Variants in CDH9 observed in about 807,000 individuals in gnomAD.
The protein encoded by CDH9 is cadherin 9, also known as cadherin-9.
CDH9 carries 28 observed loss-of-function variants against 70.9 expected under a neutral mutation model. The ratio of observed to expected loss-of-function variants is 0.40; its 90% confidence interval spans 0.29 to 0.54. The LOEUF is 0.54. CDH9 is among the 20% of genes least tolerant of loss of function. The pLI, the probability that CDH9 is intolerant of heterozygous loss-of-function variation, is 0.59. For synonymous variants in CDH9, 409 were observed against 343.1 expected (o/e 1.19, Z -2.12); for missense variants, 874 against 984.4 (o/e 0.89, Z 1.50).
At position 26,913,757 on chromosome 5, in the gene CDH9, TTGTGTGTG is replaced by T. The variant is rs5866811; in HGVS notation, c.523+1865_523+1872del. Among the ~76,000 whole-genome samples, 121 of 145,536 alleles carry T rather than the reference TTGTGTGTG, an allele frequency of 8.3e-4. 1 individual carries two copies. Among genetic ancestry groups the T allele is most frequent in the South Asian group, 3.3e-3 (15 of 4,516 alleles). On this transcript the variant is annotated intron_variant, in intron 3 of 11. Coordinates refer to ENST00000231021, the MANE Select transcript of CDH9 (RefSeq NM_016279.4). The stretch of plus-strand genomic sequence containing the variant: ...GATTCTAAAATATATACATATATGT[TTGTGTGTG>T]TGTGTGTGTGTGTGTGTGTGTGTGT...
intron 2 of CDH9, among the ~76,000 whole-genome samples, chr5:26,937,382 A>T (rs1458252958): frequency 1.3e-5 from 2 of 152,142 alleles, no homozygotes; most frequent in Non-Finnish European, 2.9e-5. Context: ...GCCAGTAAGG[A>T]TTTGGAGCAA....
Position 26,881,124 on chromosome 5 carries a change from C to T in CDH9, c.*12G>A, listed in dbSNP as rs1422610567. 6.3e-7 allele frequency: 1 copy of T among 1,582,700 alleles called. No individual in the cohort carries two copies. Among genetic ancestry groups the T allele is most frequent in the African/African-American group, 1.4e-5 (1 of 73,834 alleles). ...GTACTTCCACTAATATTGATTAAGT[C>T]AAACAATCCTCTTAGTCTCGGTCAC... On this transcript the variant is annotated 3_prime_UTR_variant, in exon 12 of 12. Coordinates refer to ENST00000231021, the MANE Select transcript of CDH9 (RefSeq NM_016279.4).
intron 2 of CDH9, among the ~76,000 whole-genome samples, chr5:26,970,682 T>A (rs1294299457): frequency 6.6e-6 from 1 of 152,084 alleles, no homozygotes. Context: ...GCAATTGTAA[T>A]CAGAACCTTC....
At chr5:27,012,883 C>T (rs1742982800) in intron 1 of CDH9, among the ~76,000 whole-genome samples, 1 of 151,776 alleles carries the variant, frequency 6.6e-6, no homozygotes, top group African/African-American at 2.4e-5. Context: ...GCTGGAAAGC[C>T]CATCTGAAAA....
At chr5:26,892,952 C>G (rs1740686223) in intron 7 of CDH9, among the ~76,000 whole-genome samples, 1 of 152,056 alleles carries the variant, frequency 6.6e-6, no homozygotes, top group Non-Finnish European at 1.5e-5. Context: ...CCAGGATGGT[C>G]TCGATCTCAT....
At chr5:26,917,464 G>C (rs1463648367) in intron 2 of CDH9, among the ~76,000 whole-genome samples, 2 of 151,840 alleles carry the variant, frequency 1.3e-5, no homozygotes, top group Non-Finnish European at 2.9e-5. Flanking sequence ...CTGTTATGTT[G>C]ACTTACATCA....
At chr5:27,009,668 A>G (rs1397557396) in intron 1 of CDH9, among the ~76,000 whole-genome samples, 1 of 152,166 alleles carries the variant, frequency 6.6e-6, no homozygotes, top group African/African-American at 2.4e-5. Context: ...CTCATTGGCT[A>G]TGGAAATTGA....
chr5:26,907,524 C>T (rs1316235178), intron 3 of CDH9, among the ~76,000 whole-genome samples: 1 of 152,054 alleles, frequency 6.6e-6, no homozygotes, highest in Non-Finnish European at 1.5e-5. Flanking sequence ...GTGTGTAATT[C>T]TGTGTCACAT....
chr5:26,954,488 C>G (rs1022818499), intron 2 of CDH9, among the ~76,000 whole-genome samples: 10 of 147,450 alleles, frequency 6.8e-5, no homozygotes, highest in African/African-American at 2.5e-4. Context: ...GGGTTCACGC[C>G]ATTCGCCTGC....
chr5:27,013,959 A>G (rs1456889101), intron 1 of CDH9, among the ~76,000 whole-genome samples: 1 of 152,016 alleles, frequency 6.6e-6, no homozygotes, highest in Non-Finnish European at 1.5e-5. Flanking sequence ...TTGAGAACTG[A>G]TATCTGGCAC....
intron 3 of CDH9, among the ~76,000 whole-genome samples, chr5:26,913,173 T>C (rs946067452): frequency 2.6e-5 from 4 of 152,152 alleles, no homozygotes; most frequent in African/African-American, 9.6e-5. Context: ...AAAATTAGGC[T>C]AGTAGTAACT....
intron 2 of CDH9, among the ~76,000 whole-genome samples, chr5:26,955,572 A>ATC (rs10541203): frequency 0.06 from 8,585 of 144,212 alleles, 311 homozygotes; most frequent in Non-Finnish European, 0.087. Context: ...TTGTGGCAGT[A>ATC]TCTCTCTCTC....
chr5:26,954,268 A>G (rs1345894311), intron 2 of CDH9, among the ~76,000 whole-genome samples: 1 of 152,070 alleles, frequency 6.6e-6, no homozygotes, highest in Non-Finnish European at 1.5e-5. Context: ...CTGTAAGTGT[A>G]TAAATTTCAA....
At chr5:27,037,373 A>G (rs1280069723) in intron 1 of CDH9, among the ~76,000 whole-genome samples, 1 of 151,920 alleles carries the variant, frequency 6.6e-6, no homozygotes, top group Non-Finnish European at 1.5e-5. Flanking sequence ...AAGACCACCA[A>G]TTTCTCCTCC....
At chr5:27,015,943 C>A (rs1305933946) in intron 1 of CDH9, among the ~76,000 whole-genome samples, 1 of 151,682 alleles carries the variant, frequency 6.6e-6, no homozygotes, top group African/African-American at 2.4e-5. Flanking sequence ...CATCATCAGT[C>A]ATCATCAGAA....
intron 1 of CDH9, among the ~76,000 whole-genome samples, chr5:27,002,711 A>AT (rs1742792217): frequency 6.6e-6 from 1 of 152,000 alleles, no homozygotes; most frequent in Admixed American, 6.5e-5. Context: ...ATAGGTGAGA[A>AT]TTGAACAATG....
chr5:26,972,589 T>C (rs1256178125), intron 2 of CDH9, among the ~76,000 whole-genome samples: 9 of 152,092 alleles, frequency 5.9e-5, no homozygotes, highest in Admixed American at 5.9e-4. Flanking sequence ...TGAGTTTGGG[T>C]GAAAAGTCTG....
intron 1 of CDH9, among the ~76,000 whole-genome samples, chr5:27,021,218 G>A (rs1254728887): frequency 6.6e-6 from 1 of 151,732 alleles, no homozygotes; most frequent in East Asian, 1.9e-4. Context: ...TTTTATGAAT[G>A]TGAGGTTTGG....
chr5:26,927,963 G>T (rs1194609912), intron 2 of CDH9, among the ~76,000 whole-genome samples: 1 of 152,016 alleles, frequency 6.6e-6, no homozygotes, highest in Non-Finnish European at 1.5e-5. Context: ...TCGCCTTATG[G>T]CAGGAGAAAA....
Sources: gnomAD v4.1 joint callset for allele counts (sites outside exome capture counted in the v4.1 genomes callset) on GRCh38, gnomAD v4.1.1 for gene constraint, MANE v1.5 for transcripts, NCBI Gene and HGNC (gene_info 2026-07-23, HGNC 2026-07-21) for gene names.